The following ATAD2B variants were observed in gnomAD, a reference collection of about 807,000 sequenced individuals.
The protein encoded by ATAD2B is ATPase family AAA domain containing 2B.
Under a neutral mutation model 167.6 loss-of-function variants are expected in ATAD2B, and 40 were observed. The ratio of observed to expected loss-of-function variants is 0.24; its 90% CI spans 0.19 to 0.31. The LOEUF (loss-of-function observed/expected upper bound fraction) is 0.31, where lower values mean the gene tolerates loss of function less well. Ranked by LOEUF, ATAD2B falls within the 10% of genes least tolerant of loss-of-function variation. The pLI, the probability that ATAD2B is intolerant of heterozygous loss-of-function variation, is 1.00. For synonymous variants in ATAD2B, 579 were observed against 596.5 expected (o/e 0.97, Z 0.43); for missense variants, 1,242 against 1,757.2 (o/e 0.71, Z 5.24).
At chr2:23,684,803 C>A in the ATAD2B span, among the ~76,000 whole-genome samples, 6 of 152,132 alleles carry the variant, frequency 3.9e-5, 1 homozygote, top group Non-Finnish European at 7.4e-5. The surrounding 1 kb of genome is among the most constrained non-coding windows in gnomAD (Gnocchi z 4.4). Context: ...CAGCAGTAGA[C>A]AACACCGTGC....
At chr2:23,806,184 C>A (rs948343041) in intron 18 of ATAD2B, 2 of 152,050 alleles carry the variant, frequency 1.3e-5, no homozygotes, top group South Asian at 2.1e-4. Context: ...GTGAATTTTT[C>A]CAGTACTTTT....
chr2:23,743,905 C>T (rs140700157), downstream of ATAD2B, among the ~76,000 whole-genome samples: 3 of 152,110 alleles, frequency 2.0e-5, no homozygotes, highest in East Asian at 1.9e-4. Flanking sequence ...GGAATAAAGG[C>T]GTGCTGGGTT....
chr2:23,714,072 C>G, the ATAD2B span, among the ~76,000 whole-genome samples: 2 of 152,176 alleles, frequency 1.3e-5, no homozygotes, highest in Admixed American at 6.5e-5. Context: ...GCCATTACCC[C>G]CCGGTCCAAG....
At chr2:23,689,324 C>T in the ATAD2B span, 1 of 152,364 alleles carries the variant, frequency 6.6e-6, no homozygotes, top group Non-Finnish European at 1.5e-5. Context: ...CTCCACGGCA[C>T]CTGTGTCCCT....
chr2:23,924,128 G>A (rs937053222), intron 1 of ATAD2B, among the ~76,000 whole-genome samples: 2 of 152,096 alleles, frequency 1.3e-5, no homozygotes, highest in African/African-American at 2.4e-5. Flanking sequence ...AGCCTGCAGT[G>A]AGCCGAGATC....
chr2:23,783,540 T>C (rs953004773), intron 21 of ATAD2B, among the ~76,000 whole-genome samples: 14 of 152,096 alleles, frequency 9.2e-5, no homozygotes, highest in Non-Finnish European at 1.8e-4. Flanking sequence ...CACAAACATT[T>C]AGAGTCAATT....
At chr2:23,723,063 G>A in the ATAD2B span, among the ~76,000 whole-genome samples, 21 of 152,282 alleles carry the variant, frequency 1.4e-4, no homozygotes, top group East Asian at 1.9e-4. Flanking sequence ...AGGCCAAGGC[G>A]GGAGGATCAC....
At chr2:23,695,509 G>A in the ATAD2B span, 1 of 756,328 alleles carries the variant, frequency 1.3e-6, no homozygotes, top group Non-Finnish European at 2.1e-6. The surrounding 1 kb of genome is among the most constrained non-coding windows in gnomAD (Gnocchi z 7.6). Context: ...ACACTCCCAA[G>A]CCTAACACAG....
chr2:23,736,977 C>A, the ATAD2B span, among the ~76,000 whole-genome samples: 1 of 152,220 alleles, frequency 6.6e-6, no homozygotes, highest in African/African-American at 2.4e-5. Context: ...CACTGCAAGG[C>A]AGCAGCGAGG....
At chr2:23,745,306 CAAGA>C (rs1165382907), downstream of ATAD2B, among the ~76,000 whole-genome samples, 24 of 148,122 alleles carry the variant, frequency 1.6e-4, no homozygotes, top group African/African-American at 6.0e-4. Context: ...AGCACGCACG[CAAGA>C]AAGAAAGCAA....
chr2:23,891,552 G>A (rs1480900447), intron 2 of ATAD2B, among the ~76,000 whole-genome samples: 2 of 151,906 alleles, frequency 1.3e-5, no homozygotes, highest in Non-Finnish European at 2.9e-5. Context: ...GTGGAGTGCA[G>A]TGGCTCTATC....
intron 8 of ATAD2B, chr2:23,872,946 G>A (rs1041034779): frequency 4.0e-5 from 30 of 754,572 alleles, no homozygotes; most frequent in Admixed American, 2.9e-4. Flanking sequence ...TGTACCAGTC[G>A]CTGAAGCAGT....
At chr2:23,736,231 C>T in the ATAD2B span, among the ~76,000 whole-genome samples, 1 of 152,106 alleles carries the variant, frequency 6.6e-6, no homozygotes, top group African/African-American at 2.4e-5. Flanking sequence ...AAAGGAACCC[C>T]CCCCATTGTT....
intron 21 of ATAD2B, among the ~76,000 whole-genome samples, chr2:23,784,408 A>G (rs1295719431): frequency 2.0e-5 from 3 of 152,126 alleles, no homozygotes; most frequent in Non-Finnish European, 4.4e-5. Flanking sequence ...TCTCAGCTTA[A>G]GAGCAGAACG....
At chr2:23,780,313 A>G (rs1049796457) in intron 22 of ATAD2B, among the ~76,000 whole-genome samples, 4 of 149,594 alleles carry the variant, frequency 2.7e-5, no homozygotes, top group African/African-American at 4.9e-5. Context: ...GTTATATAAA[A>G]TAACTTAAAA....
At chr2:23,745,075 C>T (rs1013966050), downstream of ATAD2B, among the ~76,000 whole-genome samples, 5 of 152,096 alleles carry the variant, frequency 3.3e-5, no homozygotes, top group Admixed American at 3.3e-4. Flanking sequence ...CACCTGAGGT[C>T]AGGAGTTCAA....
chr2:23,916,857 G>A (rs924587493), intron 1 of ATAD2B, among the ~76,000 whole-genome samples: 1 of 152,122 alleles, frequency 6.6e-6, no homozygotes, highest in Non-Finnish European at 1.5e-5. Context: ...CTAAACAAAT[G>A]TAGATGAAAG....
chr2:23,920,528 G>A (rs2150672631), intron 1 of ATAD2B, among the ~76,000 whole-genome samples: 1 of 152,202 alleles, frequency 6.6e-6, no homozygotes, highest in South Asian at 2.1e-4. Flanking sequence ...TATTTATTGA[G>A]CATTTTCAGC....
chr2:23,885,083 T>C (rs545936194), intron 5 of ATAD2B, among the ~76,000 whole-genome samples: 21 of 152,296 alleles, frequency 1.4e-4, no homozygotes, highest in African/African-American at 5.1e-4. Context: ...GTAAAACACA[T>C]AATGCCAGCA....
Sources: gnomAD v4.1 joint callset for allele counts (sites outside exome capture counted in the v4.1 genomes callset) on GRCh38, gnomAD v4.1.1 for gene constraint, Gnocchi (gnomAD v3.1) non-coding constraint, MANE v1.5 for transcripts, NCBI Gene and HGNC (gene_info 2026-07-23, HGNC 2026-07-21) for gene names.